Variants in GPC6 observed in about 807,000 individuals in gnomAD.
GPC6 encodes glypican 6.
Under a neutral mutation model 55.2 loss-of-function variants are expected in GPC6, and 14 were observed. The ratio of observed to expected loss-of-function variants is 0.25; its 90% CI spans 0.17 to 0.40. The LOEUF is 0.40. Ranked by LOEUF, GPC6 falls within the 10% of genes least tolerant of loss-of-function variation. The pLI is 1.00. For synonymous variants in GPC6, 278 were observed against 259.6 expected (o/e 1.07, Z -0.68); for missense variants, 641 against 708.5 (o/e 0.90, Z 1.08).
intron 3 of GPC6, among the ~76,000 whole-genome samples, chr13:93,879,323 G>C (rs1383672870): frequency 6.6e-6 from 1 of 152,080 alleles, no homozygotes; most frequent in African/African-American, 2.4e-5. Flanking sequence ...ATACTACAAG[G>C]CTACAGTAAC....
At chr13:93,324,587 C>CATATATATATATAT (rs34871661) in intron 1 of GPC6, among the ~76,000 whole-genome samples, 1,292 of 122,654 alleles carry the variant, frequency 0.011, 20 homozygotes, top group East Asian at 0.066. Flanking sequence ...CACATACATA[C>CATATATATATATAT]ATATATATAT....
intron 3 of GPC6, among the ~76,000 whole-genome samples, chr13:93,997,845 C>G (rs1053712713): frequency 1.1e-4 from 16 of 152,146 alleles, no homozygotes; most frequent in African/African-American, 3.9e-4. Context: ...GCTGCATTAG[C>G]AACAAGTGAA....
intron 1 of GPC6, among the ~76,000 whole-genome samples, chr13:93,314,046 GA>G (rs1879162624): frequency 6.6e-6 from 1 of 152,136 alleles, no homozygotes; most frequent in African/African-American, 2.4e-5. Flanking sequence ...TTTGAAGTTA[GA>G]TGCAGTTACA....
intron 2 of GPC6, among the ~76,000 whole-genome samples, chr13:93,590,346 T>C (rs564384167): frequency 5.9e-5 from 9 of 152,310 alleles, no homozygotes; most frequent in Middle Eastern, 3.4e-3. Flanking sequence ...CATGTTCACC[T>C]AGAGAGTTTC....
intron 3 of GPC6, among the ~76,000 whole-genome samples, chr13:94,001,738 A>G (rs1566642593): frequency 6.6e-6 from 1 of 152,214 alleles, no homozygotes. Context: ...ATTGAAATCT[A>G]TAATGTATTG....
At chr13:93,865,803 G>T (rs1888948069) in intron 3 of GPC6, among the ~76,000 whole-genome samples, 1 of 151,670 alleles carries the variant, frequency 6.6e-6, no homozygotes, top group African/African-American at 2.4e-5. Context: ...GGCAAAAGAA[G>T]AACTGATGGA....
At chr13:93,656,735 T>G (rs1880685337) in intron 2 of GPC6, among the ~76,000 whole-genome samples, 1 of 152,048 alleles carries the variant, frequency 6.6e-6, no homozygotes, top group African/African-American at 2.4e-5. Flanking sequence ...TTTTTGTGAT[T>G]TAATTTACAT....
intron 2 of GPC6, among the ~76,000 whole-genome samples, chr13:93,673,499 G>A (rs1180004203): frequency 6.6e-6 from 1 of 151,950 alleles, no homozygotes; most frequent in Non-Finnish European, 1.5e-5. Flanking sequence ...GACGACAAGA[G>A]TATATATATA....
At chr13:93,342,798 A>G (rs1412947688) in intron 1 of GPC6, among the ~76,000 whole-genome samples, 1 of 152,206 alleles carries the variant, frequency 6.6e-6, no homozygotes, top group African/African-American at 2.4e-5. Flanking sequence ...TGGAACTTAA[A>G]TATAATGGCA....
intron 2 of GPC6, among the ~76,000 whole-genome samples, chr13:93,642,392 G>C (rs1163324552): frequency 6.6e-6 from 1 of 151,944 alleles, no homozygotes; most frequent in Non-Finnish European, 1.5e-5. Flanking sequence ...CCATTGCACT[G>C]TTGATGAGCA....
chr13:93,964,055 C>A (rs866962267), intron 3 of GPC6, among the ~76,000 whole-genome samples: 2 of 152,110 alleles, frequency 1.3e-5, no homozygotes, highest in Admixed American at 6.5e-5. Context: ...CACCTCCCCC[C>A]ACTCATGTAT....
intron 2 of GPC6, among the ~76,000 whole-genome samples, chr13:93,731,826 C>A (rs1883832933): frequency 6.6e-6 from 1 of 151,880 alleles, no homozygotes; most frequent in Non-Finnish European, 1.5e-5. Flanking sequence ...CAGATCTGTC[C>A]CTCCTTATTA....
intron 3 of GPC6, among the ~76,000 whole-genome samples, chr13:93,944,123 C>T (rs889957472): frequency 5.9e-5 from 9 of 152,036 alleles, no homozygotes; most frequent in Non-Finnish European, 1.0e-4. Context: ...TCTATAATTG[C>T]AGTCAAGTCT....
intron 4 of GPC6, among the ~76,000 whole-genome samples, chr13:94,195,899 TAAA>T (rs1469287161): frequency 6.6e-5 from 10 of 152,202 alleles, no homozygotes; most frequent in Admixed American, 2.6e-4. Context: ...GTACCATAGT[TAAA>T]AGAAGACTCA....
chr13:93,622,290 A>G (rs1024917467), intron 2 of GPC6, among the ~76,000 whole-genome samples: 2 of 152,230 alleles, frequency 1.3e-5, no homozygotes, highest in Non-Finnish European at 2.9e-5. Flanking sequence ...AACATCTCAC[A>G]AAGTGGGTCC....
intron 1 of GPC6, among the ~76,000 whole-genome samples, chr13:93,363,083 G>T (rs1881099231): frequency 6.9e-6 from 1 of 145,954 alleles, no homozygotes. Context: ...ATGTCAGTAG[G>T]TTTTGTGTCT....
At chr13:93,366,816 G>T (rs539886967) in intron 1 of GPC6, among the ~76,000 whole-genome samples, 1 of 152,100 alleles carries the variant, frequency 6.6e-6, no homozygotes, top group South Asian at 2.1e-4. Context: ...CTCTCCTATG[G>T]TTTTTTGCTC....
At chr13:93,441,369 T>G (rs1037503931) in intron 1 of GPC6, among the ~76,000 whole-genome samples, 6 of 152,120 alleles carry the variant, frequency 3.9e-5, no homozygotes, top group African/African-American at 1.4e-4. Context: ...GTTTCCTGAC[T>G]TTTTAATGAT....
chr13:93,754,628 A>T (rs1434965992), intron 2 of GPC6, among the ~76,000 whole-genome samples: 2 of 152,116 alleles, frequency 1.3e-5, no homozygotes, highest in African/African-American at 4.8e-5. Context: ...GTAAGTATTG[A>T]TAGGAGTAAA....
Sources: allele counts gnomAD v4.1 joint callset (sites outside exome capture counted in the v4.1 genomes callset), GRCh38; gene constraint gnomAD v4.1.1; transcripts MANE v1.5; gene names NCBI Gene and HGNC (gene_info 2026-07-23, HGNC 2026-07-21).